Variants in HNRNPR observed in about 807,000 individuals in gnomAD.
HNRNPR encodes heterogeneous nuclear ribonucleoprotein R.
Under a neutral mutation model 70.3 loss-of-function variants are expected in HNRNPR, and 4 were observed. The ratio of observed to expected loss-of-function variants is 0.06; its 90% CI spans 0.03 to 0.13. The LOEUF (loss-of-function observed/expected upper bound fraction) is 0.13. HNRNPR is among the 10% of genes least tolerant of loss of function. HNRNPR has a pLI of 1.00. For synonymous variants in HNRNPR, 241 were observed against 267.6 expected (o/e 0.90, Z 0.97); for missense variants, 423 against 788.5 (o/e 0.54, Z 5.55).
rs1206236282 is a variant in HNRNPR, at chr1:23,306,264, T to C, written c.*4190A>G. On this transcript the variant is annotated 3_prime_UTR_variant, in exon 11 of 11. Coordinates refer to ENST00000302271, the MANE Select transcript of HNRNPR (RefSeq NM_005826.5). Reference sequence around the variant, plus strand: ...TAAAAGTAAGTGAAGTGTTATTATATGTTCCTATTAAGAACAAAATAATTT... The same window carrying C: ...TAAAAGTAAGTGAAGTGTTATTATACGTTCCTATTAAGAACAAAATAATTT... 2.0e-5 allele frequency: 3 copies of C among 152,156 alleles called. No individual in the cohort carries two copies. The highest frequency in any genetic ancestry group is 3.8e-4 in the East Asian group (2 of 5,206). 9.4% of individuals were successfully genotyped at this position (152,156 alleles called of 1,614,324 possible). A position where few individuals can be genotyped will look rare whatever the true frequency, so the allele number is the denominator to read the frequency against.
At chr1:23,340,802 G>T in intron 2 of HNRNPR, 50 bp downstream of exon 2, 2 of 1,421,338 alleles carry the variant, frequency 1.4e-6, no homozygotes, top group Non-Finnish European at 1.9e-6. Flanking sequence ...ATTCAAAGTG[G>T]TTTGCCCTCA....
At chr1:23,323,162 C>A (rs1199705946) in intron 6 of HNRNPR, among the ~76,000 whole-genome samples, 6 of 152,206 alleles carry the variant, frequency 3.9e-5, no homozygotes, top group African/African-American at 1.4e-4. Flanking sequence ...AAGTCACTGT[C>A]ATCCACTATT....
Position 23,338,601 on chromosome 1 carries a change from T to C in HNRNPR, c.165A>G (p.Val55=), listed in dbSNP as rs768092232. The part of the protein sequence containing the change: ...RLDEIFQTGL[V]AYVDLDERAI... ...CTCTTTCATCAAGATCGACATAAGC[T>C]ACCAATCCTAAAAATTAAATTGAAA... The change falls in exon 3 of 11, where the codon GTA becomes GTG. Residue 55 remains valine, a synonymous_variant. Transcript: ENST00000302271. 6.4e-7 allele frequency: 1 copy of C among 1,553,814 alleles called. No homozygotes were observed. Among genetic ancestry groups the C allele is most frequent in the Non-Finnish European group, 8.8e-7 (1 of 1,139,048 alleles).
chr1:23,343,210 T>C (rs1226087505), intron 1 of HNRNPR, among the ~76,000 whole-genome samples: 1 of 152,138 alleles, frequency 6.6e-6, no homozygotes, highest in Non-Finnish European at 1.5e-5. Context: ...AAAGGAGACA[T>C]TTAAAGATTT....
chr1:23,327,818 C>T (rs1280295722), intron 5 of HNRNPR, among the ~76,000 whole-genome samples: 2 of 151,570 alleles, frequency 1.3e-5, no homozygotes, highest in Non-Finnish European at 2.9e-5. Context: ...GAGGGCTTCC[C>T]TACAGGGGTA....
intron 4 of HNRNPR, among the ~76,000 whole-genome samples, chr1:23,334,701 G>C (rs931323005): frequency 6.6e-6 from 1 of 152,080 alleles, no homozygotes; most frequent in South Asian, 2.1e-4. Flanking sequence ...GTCAGGTTCC[G>C]AAAAATAAGT....
intron 8 of HNRNPR, among the ~76,000 whole-genome samples, chr1:23,316,291 G>A (rs529948140): frequency 6.6e-6 from 1 of 152,208 alleles, no homozygotes; most frequent in Admixed American, 6.5e-5. Flanking sequence ...ACTCCAGCCT[G>A]GGCAACATGA....
intron 2 of HNRNPR, among the ~76,000 whole-genome samples, chr1:23,339,349 A>T (rs534807689): frequency 7.2e-5 from 11 of 152,262 alleles, no homozygotes; most frequent in Non-Finnish European, 1.6e-4. Flanking sequence ...AAGAACGACA[A>T]TCATTTTCAA....
intron 6 of HNRNPR, among the ~76,000 whole-genome samples, chr1:23,322,327 C>G (rs1188318591): frequency 6.6e-6 from 1 of 152,110 alleles, no homozygotes; most frequent in Non-Finnish European, 1.5e-5. Context: ...CCTCCACCTC[C>G]TGGGTTGAAG....
intron 5 of HNRNPR, among the ~76,000 whole-genome samples, chr1:23,325,487 T>C (rs1645935478): frequency 6.6e-6 from 1 of 152,210 alleles, no homozygotes; most frequent in Non-Finnish European, 1.5e-5. Flanking sequence ...CAATAGTTAT[T>C]GCAATTCTTC....
chr1:23,308,558 A>G lies in HNRNPR; in HGVS notation c.*1896T>C, dbSNP rs1213393251. ...ACATGGGCATAAGAAAAACAACTGGATCTGTCTTACCAAAGAAATACCCAT... is the reference window on the plus strand; with the variant it reads ...ACATGGGCATAAGAAAAACAACTGGGTCTGTCTTACCAAAGAAATACCCAT... On this transcript the variant is annotated 3_prime_UTR_variant, in exon 11 of 11. Coordinates refer to ENST00000302271, the MANE Select transcript of HNRNPR (RefSeq NM_005826.5). 2 of 152,088 alleles carry G rather than the reference A, an allele frequency of 1.3e-5. No homozygotes were observed. Among genetic ancestry groups the G allele is most frequent in the African/African-American group, 4.8e-5 (2 of 41,452 alleles). The allele number at this position is 152,088 out of a possible 1,614,324, so 9.4% of individuals were successfully genotyped here.
At position 23,318,779 on chromosome 1, in the gene HNRNPR, AAT is replaced by A. The variant is rs549606428; in HGVS notation, c.812-93_812-92del. The stretch of plus-strand genomic sequence containing the variant: ...CCTAAATCCACTTGACGATGAGCAA[AAT>A]ATAAGTGAAGCAGCCTCAACATGAG... On this transcript the variant is annotated intron_variant, in intron 7 of 10. Coordinates refer to ENST00000302271, the MANE Select transcript of HNRNPR (RefSeq NM_005826.5). This position sits in a 1 kb window ranked among gnomAD's most constrained non-coding sequence, Gnocchi z 4.2. 3.4e-5 allele frequency: 40 copies of A among 1,175,438 alleles called. No individual in the cohort carries two copies. The East Asian group carries it at 8.7e-4, about 26-fold the overall frequency. The allele number at this position is 1,175,438 out of a possible 1,614,324, so 72.8% of individuals were successfully genotyped here.
chr1:23,325,781 T>A (rs978907691), intron 5 of HNRNPR, among the ~76,000 whole-genome samples: 1 of 152,182 alleles, frequency 6.6e-6, no homozygotes, highest in Non-Finnish European at 1.5e-5. Context: ...CTCCTTCCTG[T>A]CTCCAAACAA....
chr1:23,336,888 TTATC>T (rs1190813204), intron 4 of HNRNPR, among the ~76,000 whole-genome samples: 4 of 152,314 alleles, frequency 2.6e-5, no homozygotes, highest in East Asian at 1.9e-4. Flanking sequence ...TCAAAGCTGT[TTATC>T]TAAGTAATAA....
chr1:23,338,942 C>A (rs1209180532), intron 2 of HNRNPR, among the ~76,000 whole-genome samples: 1 of 152,164 alleles, frequency 6.6e-6, no homozygotes, highest in Non-Finnish European at 1.5e-5. Flanking sequence ...ACAGATTATG[C>A]ATTAATACAA....
intron 7 of HNRNPR, among the ~76,000 whole-genome samples, chr1:23,319,087 TAA>T (rs1306059306): frequency 6.6e-6 from 1 of 152,178 alleles, no homozygotes; most frequent in Admixed American, 6.5e-5. Context: ...GAAGCTAACT[TAA>T]AAGTTACTAT....
At chr1:23,328,954 A>G (rs553086853) in intron 5 of HNRNPR, among the ~76,000 whole-genome samples, 1 of 152,318 alleles carries the variant, frequency 6.6e-6, no homozygotes, top group South Asian at 2.1e-4. Flanking sequence ...CCCTGCCTCT[A>G]TAAAAAAATT....
chr1:23,326,306 T>C (rs2148406307), intron 5 of HNRNPR, among the ~76,000 whole-genome samples: 1 of 152,134 alleles, frequency 6.6e-6, no homozygotes, highest in East Asian at 1.9e-4. Context: ...TCATCACAAC[T>C]AGGGATACAA....
chr1:23,323,434 G>C, intron 6 of HNRNPR, 122 bp downstream of exon 6: 1 of 904,826 alleles, frequency 1.1e-6, no homozygotes, highest in African/African-American at 1.7e-5. Flanking sequence ...AACTTGGTCA[G>C]TATAAAAACA....
Sources: allele counts gnomAD v4.1 joint callset (sites outside exome capture counted in the v4.1 genomes callset), GRCh38; gene constraint gnomAD v4.1.1; non-coding constraint Gnocchi (gnomAD v3.1); transcripts MANE v1.5; gene names NCBI Gene and HGNC (gene_info 2026-07-23, HGNC 2026-07-21).